GLT1D1: variants seen among roughly 807,000 people sequenced by gnomAD.
GLT1D1 encodes glycosyltransferase 1 domain containing 1, also known as glycosyltransferase 1 domain-containing protein 1.
A neutral mutation model predicts 28.7 loss-of-function variants in GLT1D1; 21 were observed. The observed-to-expected ratio is 0.73, with a 90% CI of 0.52 to 1.05. The LOEUF is 1.05. Among genes scored for constraint, GLT1D1 ranks in the 50% least tolerant of loss-of-function variants. The probability of loss-of-function intolerance (pLI) is 0.00; values close to 1 mark genes in which losing one functional copy is unlikely to be tolerated. For missense variants in GLT1D1, 343 were observed against 330.6 expected, an observed-to-expected ratio of 1.04 and a Z score of -0.29; for synonymous variants, 147 against 124.8, an observed-to-expected ratio of 1.18 and a Z score of -1.19.
intron 4 of GLT1D1, among the ~76,000 whole-genome samples, chr12:128,908,359 T>TC (rs1871121732): frequency 2.8e-5 from 1 of 36,096 alleles, no homozygotes; most frequent in Non-Finnish European, 1.1e-4. Context: ...TTTCTTTCTT[T>TC]CTTTTCTTTC....
intron 6 of GLT1D1, among the ~76,000 whole-genome samples, chr12:128,949,759 C>A (rs1876493161): frequency 6.6e-6 from 1 of 152,024 alleles, no homozygotes; most frequent in Non-Finnish European, 1.5e-5. Flanking sequence ...CACACACGCA[C>A]ACACACAGGC....
chr12:128,919,990 TCCCC>T (rs148203308), intron 4 of GLT1D1, among the ~76,000 whole-genome samples: 124 of 6,304 alleles, frequency 0.02, 8 homozygotes, highest in African/African-American at 0.06. Context: ...TCTCTCTCTC[TCCCC>T]CTCCATCTCT....
chr12:128,862,885 CA>C (rs1361345147), intron 1 of GLT1D1, among the ~76,000 whole-genome samples: 7 of 152,172 alleles, frequency 4.6e-5, no homozygotes, highest in Non-Finnish European at 8.8e-5. Context: ...ATTACCCAAA[CA>C]TTTGTCTGAT....
rs148448988 is a variant in GLT1D1, at chr12:128,858,409, C to T, written c.68+4760C>T. ...AATTTCTGCCGGGCCTGGTGGCTCACGTCTGTAATCACAACACTTTGGGAG... is the reference window on the plus strand; with the variant it reads ...AATTTCTGCCGGGCCTGGTGGCTCATGTCTGTAATCACAACACTTTGGGAG... On this transcript the variant is annotated intron_variant, in intron 1 of 7. Transcript: ENST00000281703. Among the ~76,000 whole-genome samples the T allele has an allele frequency of 5.3e-3, 813 of 152,280 alleles. 6 individuals are homozygous for T. Among genetic ancestry groups the T allele is most frequent in the African/African-American group, 0.018 (759 of 41,554 alleles).
chr12:128,868,631 G>A (rs562436122), intron 1 of GLT1D1, among the ~76,000 whole-genome samples: 1 of 152,218 alleles, frequency 6.6e-6, no homozygotes, highest in African/African-American at 2.4e-5. Flanking sequence ...TGGCTTCTCT[G>A]GGTAGATTGG....
intron 4 of GLT1D1, among the ~76,000 whole-genome samples, chr12:128,942,904 C>T (rs1410386054): frequency 6.6e-6 from 1 of 152,026 alleles, no homozygotes; most frequent in African/African-American, 2.4e-5. Flanking sequence ...GCGCGCCATC[C>T]AGCCCGAGTA....
chr12:128,965,510 C>T (rs940177390), intron 7 of GLT1D1, among the ~76,000 whole-genome samples: 19 of 152,070 alleles, frequency 1.2e-4, no homozygotes, highest in Admixed American at 1.2e-3. Context: ...TTGCAGAAAC[C>T]ATGAGACAAT....
intron 4 of GLT1D1, among the ~76,000 whole-genome samples, chr12:128,923,931 T>A (rs1456690816): frequency 1.3e-5 from 2 of 151,798 alleles, no homozygotes; most frequent in Non-Finnish European, 2.9e-5. Flanking sequence ...TTAAACATAT[T>A]TTCTCATTAA....
chr12:128,956,100 A>C (rs1352882076), intron 6 of GLT1D1, among the ~76,000 whole-genome samples: 2 of 139,724 alleles, frequency 1.4e-5, no homozygotes, highest in Non-Finnish European at 3.0e-5. Flanking sequence ...CGGAGCTTAC[A>C]GTGAGCCGAG....
At chr12:128,873,415 G>A (rs1956748886) in intron 1 of GLT1D1, among the ~76,000 whole-genome samples, 1 of 152,064 alleles carries the variant, frequency 6.6e-6, no homozygotes, top group Admixed American at 6.6e-5. Flanking sequence ...ATAATATAAC[G>A]AGGGCCCTGC....
intron 4 of GLT1D1, among the ~76,000 whole-genome samples, chr12:128,937,626 C>G (rs906034091): frequency 6.6e-6 from 1 of 152,032 alleles, no homozygotes; most frequent in Non-Finnish European, 1.5e-5. Flanking sequence ...TTGGCTGTGT[C>G]CCCACCCAAA....
intron 3 of GLT1D1, among the ~76,000 whole-genome samples, chr12:128,894,848 T>A: frequency 6.6e-6 from 1 of 151,190 alleles, no homozygotes; most frequent in East Asian, 1.9e-4. Flanking sequence ...AGACTCCATC[T>A]CAAAATAAAT....
At chr12:128,870,973 A>G (rs920568706) in intron 1 of GLT1D1, among the ~76,000 whole-genome samples, 16 of 152,216 alleles carry the variant, frequency 1.1e-4, no homozygotes, top group Non-Finnish European at 1.5e-5. Context: ...CCTGGCCCAC[A>G]GAGCAAGACC....
intron 7 of GLT1D1, among the ~76,000 whole-genome samples, chr12:128,980,358 G>T (rs1880203896): frequency 6.6e-6 from 1 of 152,232 alleles, no homozygotes; most frequent in Non-Finnish European, 1.5e-5. Flanking sequence ...AACATTCACG[G>T]TTCTCTTGTT....
rs557116703 is a variant in GLT1D1 at position 128,876,195 on chromosome 12, T to G, written c.217+133T>G. ...AAATGGGAGACATGCAATAATCTCT[T>G]TGGTTTGCTTTCTTAATGCACAATT... On this transcript the variant is annotated intron_variant, in intron 2 of 7. Transcript: ENST00000281703. 13 of 766,428 alleles carry G rather than the reference T, an allele frequency of 1.7e-5. No homozygotes were observed. The South Asian group carries it at 2.9e-4, about 17-fold the overall frequency. The allele number at this position is 766,428 out of a possible 1,614,324, so 47.5% of individuals were successfully genotyped here. A position where few individuals can be genotyped will look rare whatever the true frequency, so the allele number is the denominator to read the frequency against.
intron 1 of GLT1D1, among the ~76,000 whole-genome samples, chr12:128,865,351 A>G (rs1412561938): frequency 6.6e-6 from 1 of 152,164 alleles, no homozygotes; most frequent in African/African-American, 2.4e-5. Flanking sequence ...ACTAGTAATT[A>G]TATATATTTA....
intron 3 of GLT1D1, among the ~76,000 whole-genome samples, chr12:128,893,567 G>GT (rs1187140863): frequency 1.3e-5 from 2 of 151,912 alleles, no homozygotes; most frequent in Non-Finnish European, 2.9e-5. Context: ...AAGAAATGTG[G>GT]TTTTTTAATT....
At chr12:128,932,755 T>C (rs913003964) in intron 4 of GLT1D1, among the ~76,000 whole-genome samples, 1 of 152,114 alleles carries the variant, frequency 6.6e-6, no homozygotes, top group Non-Finnish European at 1.5e-5. Flanking sequence ...GGGGGGCCTT[T>C]AGCAGAGGCG....
intron 4 of GLT1D1, among the ~76,000 whole-genome samples, chr12:128,934,112 T>G (rs1874243574): frequency 6.6e-6 from 1 of 151,966 alleles, no homozygotes; most frequent in Admixed American, 6.6e-5. Flanking sequence ...AGCTAGACAC[T>G]TTGGAGGGCT....
Sources: gnomAD v4.1 joint callset for allele counts (sites outside exome capture counted in the v4.1 genomes callset) on GRCh38, gnomAD v4.1.1 for gene constraint, MANE v1.5 for transcripts, NCBI Gene and HGNC (gene_info 2026-07-23, HGNC 2026-07-21) for gene names.